DDX21: variants seen among roughly 807,000 people sequenced by gnomAD.
DDX21 encodes nucleolar RNA helicase 2.
DDX21 carries 18 observed loss-of-function variants against 90.0 expected under a neutral mutation model. That is an observed-to-expected ratio of 0.20 (90% CI 0.14 to 0.30). DDX21 has a LOEUF of 0.30. Among genes scored for constraint, DDX21 ranks in the 10% least tolerant of loss-of-function variants. DDX21 has a pLI of 1.00. For missense variants in DDX21, 673 were observed against 944.5 expected (o/e 0.71, Z 3.77); for synonymous variants, 294 against 318.0 (o/e 0.92, Z 0.80).
chr10:68,967,239 C>G, intron 6 of DDX21, 36 bp downstream of exon 6: 2 of 1,588,200 alleles, frequency 1.3e-6, no homozygotes, highest in South Asian at 2.3e-5. Context: ...TAAAAAAGAC[C>G]AAAGGAAGGG....
chr10:68,967,717 T>C (rs961687550), intron 6 of DDX21, among the ~76,000 whole-genome samples: 1 of 152,202 alleles, frequency 6.6e-6, no homozygotes, highest in Admixed American at 6.5e-5. Context: ...TGCATTTTAT[T>C]GTATATATGT....
intron 5 of DDX21, among the ~76,000 whole-genome samples, chr10:68,966,005 T>C (rs1842933584): frequency 6.6e-6 from 1 of 151,902 alleles, no homozygotes; most frequent in South Asian, 2.1e-4. Context: ...TTTAAAAAAA[T>C]CATAGTTTTG....
rs1483592140 is a variant in DDX21 at position 68,963,455 on chromosome 10, G to A, written c.772G>A (p.Gly258Ser). The stretch of plus-strand genomic sequence containing the variant: ...TGGGGAACTGCAAGACAGGAAGAGA[G>A]GCCGTGCCCCTCAGGTAACTGTCTT... ...LHGELQDRKR[G>S]RAPQVLVLAP... The change falls in exon 4 of 15, where the codon GGC becomes AGC. Residue 258 changes from glycine (G) to serine (S), a missense_variant. Physicochemically the swap from Gly to Ser is moderately conservative, Grantham distance 56 (BLOSUM62 0). Around this residue, in one of 4 missense-constraint regions of DDX21, gnomAD observed 218 missense variants for 347.3 expected, o/e 0.63. Transcript: ENST00000354185. The A allele has an allele frequency of 6.2e-7, 1 of 1,611,962 alleles. No homozygotes were observed. The highest frequency in any genetic ancestry group is 1.3e-5 in the African/African-American group (1 of 74,788).
chr10:68,968,880 A>G, intron 6 of DDX21, 96 bp from the exon 7 acceptor site: 1 of 1,403,042 alleles, frequency 7.1e-7, no homozygotes, highest in Non-Finnish European at 9.6e-7. Context: ...GTTGCTGGTG[A>G]ACATTGATGG....
At chr10:68,978,419 C>T (rs1843137804) in intron 12 of DDX21, among the ~76,000 whole-genome samples, 1 of 152,142 alleles carries the variant, frequency 6.6e-6, no homozygotes, top group Non-Finnish European at 1.5e-5. Context: ...CCTAAAGTAG[C>T]CCAAACATAT....
intron 2 of DDX21, among the ~76,000 whole-genome samples, chr10:68,961,403 T>TTAA (rs773228124): frequency 2.9e-4 from 44 of 152,234 alleles, no homozygotes; most frequent in Non-Finnish European, 5.3e-4. Context: ...TTAGTAAATA[T>TTAA]TAATACCTGT....
In DDX21 at chr10:68,981,417, C is replaced by T. The variant is rs894110060; in HGVS notation, c.2038-120C>T. ...GTCTAAAGTTCATCTAAAATTATAC[C>T]TGGTGGTTTTTTTGCTTTATGTTTT... On this transcript the variant is annotated intron_variant, in intron 13 of 14. Coordinates refer to ENST00000354185, the MANE Select transcript of DDX21 (RefSeq NM_004728.4). 2.0e-5 allele frequency: 17 copies of T among 848,334 alleles called. No homozygotes were observed. The East Asian group carries it at 2.1e-4, about 10-fold the overall frequency. 52.6% of individuals were successfully genotyped at this position (848,334 alleles called of 1,614,324 possible). A position where few individuals can be genotyped will look rare whatever the true frequency, so the allele number is the denominator to read the frequency against.
chr10:68,981,709 AT>A, intron 14 of DDX21, 128 bp downstream of exon 14: 1 of 833,250 alleles, frequency 1.2e-6, no homozygotes, highest in Non-Finnish European at 1.9e-6. Flanking sequence ...CGATAATTAA[AT>A]TTTGGAATAT....
chr10:68,971,640 A>ATAAAATAGGTTTGATCACTCTTG (rs1843029482), intron 8 of DDX21, among the ~76,000 whole-genome samples: 4 of 152,212 alleles, frequency 2.6e-5, no homozygotes, highest in Non-Finnish European at 5.9e-5. Context: ...GGTTACACTG[A>ATAAAATAGGTTTGATCACTCTTG]TAAAATAGGT....
At chr10:68,970,485 C>CTTTTTTT in intron 8 of DDX21, 135 bp downstream of exon 8, 1 of 529,732 alleles carries the variant, frequency 1.9e-6, no homozygotes, top group Non-Finnish European at 2.9e-6. Flanking sequence ...GAGGAAGCTA[C>CTTTTTTT]TTTTTTTTTT....
Position 68,963,282 on chromosome 10 carries a change from T to C in DDX21, c.608-9T>C. 1.9e-6 allele frequency: 3 copies of C among 1,600,326 alleles called. 1 individual carries two copies. Among genetic ancestry groups the C allele is most frequent in the South Asian group, 1.1e-5 (1 of 88,956 alleles). ...GCAGTGTGAGATAACACAGTTAATT[T>C]GTTCATAGGCCGAGGAGTGACCTTC... On this transcript the variant is annotated splice_polypyrimidine_tract_variant and intron_variant, in intron 3 of 14. Coordinates refer to ENST00000354185, the MANE Select transcript of DDX21 (RefSeq NM_004728.4).
At chr10:68,968,004 C>T (rs1339499023) in intron 6 of DDX21, among the ~76,000 whole-genome samples, 1 of 151,960 alleles carries the variant, frequency 6.6e-6, no homozygotes, top group Admixed American at 6.6e-5. Context: ...AAGCAATCCT[C>T]CGAGTAGCTG....
intron 8 of DDX21, 132 bp from the exon 9 acceptor site, chr10:68,971,758 AT>A (rs1434011857): frequency 2.5e-6 from 2 of 793,986 alleles, no homozygotes; most frequent in Non-Finnish European, 4.0e-6. Context: ...TTCAAGACAC[AT>A]TTTCCCCTTT....
In DDX21 at chr10:68,962,064, T is replaced by C. The variant is rs1420133296; in HGVS notation, c.532-18T>C. 1.3e-6 allele frequency: 2 copies of C among 1,588,986 alleles called. No homozygotes were observed. The highest frequency in any genetic ancestry group is 1.1e-5 in the South Asian group (1 of 88,816). On this transcript the variant is annotated intron_variant, in intron 2 of 14. Transcript: ENST00000354185. ...GTAGGTGATTATTGATTTCTTTCTA[T>C]GGCCCTTTACTTGATAGGAAATACC... is the stretch of plus-strand genomic sequence containing the variant.
intron 12 of DDX21, 56 bp downstream of exon 12, chr10:68,977,744 T>G: frequency 6.7e-7 from 1 of 1,493,758 alleles, no homozygotes; most frequent in South Asian, 1.3e-5. Flanking sequence ...GAGCAGGATA[T>G]GAAAGGGTTT....
chr10:68,961,288 T>C (rs1481877838), intron 2 of DDX21, among the ~76,000 whole-genome samples: 1 of 152,152 alleles, frequency 6.6e-6, no homozygotes, highest in Admixed American at 6.5e-5. Context: ...TGGTCAACAT[T>C]TGTAACTTTT....
At chr10:68,982,466 A>G in intron 14 of DDX21, 77 bp from the exon 15 acceptor site, 3 of 1,524,716 alleles carry the variant, frequency 2.0e-6, no homozygotes, top group Non-Finnish European at 1.8e-6. Context: ...AGAAGTGGCA[A>G]ATATTTTGTT....
At chr10:68,962,021 G>A (rs1447700920) in intron 2 of DDX21, 61 bp from the exon 3 acceptor site, 4 of 1,295,854 alleles carry the variant, frequency 3.1e-6, no homozygotes, top group Admixed American at 4.0e-5. Flanking sequence ...TTTCTCAGAA[G>A]GTTCTCTATT....
At chr10:68,977,779 A>G in intron 12 of DDX21, 91 bp downstream of exon 12, 2 of 1,336,628 alleles carry the variant, frequency 1.5e-6, no homozygotes, top group Non-Finnish European at 2.0e-6. Flanking sequence ...AGTTGTTTTC[A>G]TTTTCTCATG....
Sources: allele counts gnomAD v4.1 joint callset (sites outside exome capture counted in the v4.1 genomes callset), GRCh38; gene constraint gnomAD v4.1.1; regional missense constraint gnomAD v4.1.1; transcripts MANE v1.5; gene names NCBI Gene and HGNC (gene_info 2026-07-23, HGNC 2026-07-21).